The following GPHN variants were observed in gnomAD, a reference collection of about 807,000 sequenced individuals.
The protein encoded by GPHN is gephyrin.
Under a neutral mutation model 95.5 loss-of-function variants are expected in GPHN, and 17 were observed. The ratio of observed to expected loss-of-function variants is 0.18; its 90% CI spans 0.12 to 0.27. The LOEUF (loss-of-function observed/expected upper bound fraction) is 0.27. Among genes scored for constraint, GPHN ranks in the 10% least tolerant of loss-of-function variants. The pLI, the probability that GPHN is intolerant of heterozygous loss-of-function variation, is 1.00. For synonymous variants in GPHN, 320 were observed against 322.5 expected, an observed-to-expected ratio of 0.99 and a Z score of 0.08; for missense variants, 660 against 978.1, an observed-to-expected ratio of 0.67 and a Z score of 4.34.
chr14:66,564,885 A>C (rs1381786551), intron 1 of GPHN, among the ~76,000 whole-genome samples: 1 of 152,170 alleles, frequency 6.6e-6, no homozygotes, highest in Non-Finnish European at 1.5e-5. Flanking sequence ...GGTAGCCACT[A>C]TGAACCTGGA....
intron 12 of GPHN, among the ~76,000 whole-genome samples, chr14:67,094,566 T>C (rs1278900165): frequency 6.6e-6 from 1 of 152,208 alleles, no homozygotes; most frequent in African/African-American, 2.4e-5. Flanking sequence ...TCTTTTTTTC[T>C]TTCCAAGCTC....
At chr14:67,641,394 C>A in the GPHN span, among the ~76,000 whole-genome samples, 1 of 152,182 alleles carries the variant, frequency 6.6e-6, no homozygotes, top group South Asian at 2.1e-4. Context: ...AACTTTGGAG[C>A]CAGATGGCCT....
the GPHN span, among the ~76,000 whole-genome samples, chr14:67,192,961 T>G: frequency 5.4e-5 from 8 of 146,868 alleles, no homozygotes; most frequent in South Asian, 1.1e-3. Context: ...TATATATCTA[T>G]ATATCGATAT....
At chr14:67,098,417 T>A (rs1435420240) in intron 12 of GPHN, among the ~76,000 whole-genome samples, 4 of 152,140 alleles carry the variant, frequency 2.6e-5, no homozygotes, top group Non-Finnish European at 5.9e-5. Flanking sequence ...GTAATTTTGC[T>A]GAGAGTCCCT....
chr14:67,278,358 A>G, the GPHN span, among the ~76,000 whole-genome samples: 1 of 148,076 alleles, frequency 6.8e-6, no homozygotes, highest in African/African-American at 2.5e-5. Context: ...TTTTTTTTTA[A>G]TGGGACCAGT....
intron 1 of GPHN, among the ~76,000 whole-genome samples, chr14:66,541,013 T>C (rs1464913208): frequency 6.6e-6 from 1 of 151,996 alleles, no homozygotes; most frequent in Non-Finnish European, 1.5e-5. Context: ...AGTGGCACGA[T>C]CTTGGCTCAC....
At chr14:67,016,778 A>G (rs1427997042) in intron 9 of GPHN, among the ~76,000 whole-genome samples, 1 of 152,126 alleles carries the variant, frequency 6.6e-6, no homozygotes, top group East Asian at 1.9e-4. Context: ...AGAAGTTGGC[A>G]ATTCATCTAT....
At chr14:67,140,556 G>T (rs1291451460) in intron 17 of GPHN, among the ~76,000 whole-genome samples, 1 of 152,076 alleles carries the variant, frequency 6.6e-6, no homozygotes, top group African/African-American at 2.4e-5. Flanking sequence ...ACATATTGTA[G>T]TTATATATTA....
At chr14:67,027,927 A>G (rs1217769826) in intron 10 of GPHN, among the ~76,000 whole-genome samples, 1 of 152,174 alleles carries the variant, frequency 6.6e-6, no homozygotes, top group African/African-American at 2.4e-5. Flanking sequence ...TATACAATAC[A>G]TTGATGTTAA....
At chr14:67,339,020 G>A in the GPHN span, among the ~76,000 whole-genome samples, 1 of 135,526 alleles carries the variant, frequency 7.4e-6, no homozygotes. Context: ...TTGAGATGGA[G>A]TCTTGCTCTG....
At position 66,920,143 on chromosome 14, in the gene GPHN, G is replaced by A. The variant is rs115979467; in HGVS notation, c.457-2523G>A. 5.5e-3 allele frequency among the ~76,000 whole-genome samples: 834 copies of A among 152,242 alleles called. 3 individuals carry two copies. Among genetic ancestry groups the A allele is most frequent in the African/African-American group, 0.019 (797 of 41,556 alleles). On this transcript the variant is annotated intron_variant, in intron 6 of 22. Coordinates refer to ENST00000478722, the MANE Select transcript of GPHN (RefSeq NM_020806.5). ...CAGCAGTGTCTTAAGTGTTTGGCAT[G>A]AATCACATCAAGAAATGGTCTTGAC...
At chr14:66,670,961 T>C (rs1351496032) in intron 1 of GPHN, among the ~76,000 whole-genome samples, 2 of 152,168 alleles carry the variant, frequency 1.3e-5, no homozygotes, top group Non-Finnish European at 2.9e-5. Flanking sequence ...TGGAGTACAA[T>C]GTTTATAATT....
chr14:66,922,251 G>C (rs1221602306), intron 6 of GPHN, among the ~76,000 whole-genome samples: 1 of 147,812 alleles, frequency 6.8e-6, no homozygotes, highest in African/African-American at 2.5e-5. Flanking sequence ...ATAGCAAAAG[G>C]AATAGTCAGC....
intron 19 of GPHN, among the ~76,000 whole-genome samples, chr14:67,161,340 T>A (rs1375369453): frequency 6.6e-6 from 1 of 151,218 alleles, no homozygotes; most frequent in Non-Finnish European, 1.5e-5. Context: ...GGATTTTGTC[T>A]TACGCAAATA....
chr14:67,248,315 G>A, the GPHN span, among the ~76,000 whole-genome samples: 1 of 151,872 alleles, frequency 6.6e-6, no homozygotes, highest in Non-Finnish European at 1.5e-5. Flanking sequence ...GAGCCCAGGA[G>A]TTTGAGTCCA....
chr14:67,410,065 G>A, the GPHN span, among the ~76,000 whole-genome samples: 29 of 152,096 alleles, frequency 1.9e-4, no homozygotes, highest in East Asian at 5.4e-3. Flanking sequence ...CTTTTCCAAG[G>A]GCTTACGGGG....
intron 12 of GPHN, among the ~76,000 whole-genome samples, chr14:67,091,698 A>AG (rs1196984275): frequency 6.6e-6 from 1 of 151,990 alleles, no homozygotes; most frequent in African/African-American, 2.4e-5. Context: ...TTAAAAAAAA[A>AG]AATGGTTGCT....
intron 4 of GPHN, among the ~76,000 whole-genome samples, chr14:66,876,839 G>A (rs941798764): frequency 1.5e-4 from 23 of 152,028 alleles, no homozygotes; most frequent in African/African-American, 5.6e-4. Flanking sequence ...GGTACCATTT[G>A]TTCTGAAACT....
chr14:66,534,381 AG>A (rs1413599675), intron 1 of GPHN, among the ~76,000 whole-genome samples: 4 of 152,128 alleles, frequency 2.6e-5, no homozygotes, highest in Admixed American at 6.5e-5. Flanking sequence ...CTTCATGTAA[AG>A]GGAATGACTT....
Sources: allele counts gnomAD v4.1 joint callset (sites outside exome capture counted in the v4.1 genomes callset), GRCh38; gene constraint gnomAD v4.1.1; transcripts MANE v1.5; gene names NCBI Gene and HGNC (gene_info 2026-07-23, HGNC 2026-07-21).